The following CDH12 variants were observed in gnomAD, a reference collection of about 807,000 sequenced individuals.
The protein encoded by CDH12 is cadherin-12.
In CDH12, 41 loss-of-function variants were observed where a neutral mutation model predicts 74.1. The observed-to-expected ratio is 0.55, with a 90% CI of 0.43 to 0.72. CDH12 has a LOEUF of 0.72. CDH12 is among the 30% of genes least tolerant of loss of function. CDH12 has a pLI of 0.00. For missense variants in CDH12, 945 were observed against 977.2 expected (o/e 0.97, Z 0.44); for synonymous variants, 399 against 355.0 (o/e 1.12, Z -1.39).
intron 3 of CDH12, among the ~76,000 whole-genome samples, chr5:22,284,757 G>C (rs1369145751): frequency 6.6e-6 from 1 of 152,002 alleles, no homozygotes; most frequent in Non-Finnish European, 1.5e-5. Context: ...ATTATTGAGA[G>C]ACAATTTAGA....
intron 3 of CDH12, among the ~76,000 whole-genome samples, chr5:22,222,314 T>C (rs1752044975): frequency 6.6e-6 from 1 of 151,974 alleles, no homozygotes; most frequent in African/African-American, 2.4e-5. Context: ...AGTAAAGTTC[T>C]CTCCAAGGAG....
At chr5:21,809,369 G>A (rs928991923) in intron 9 of CDH12, among the ~76,000 whole-genome samples, 19 of 152,122 alleles carry the variant, frequency 1.2e-4, no homozygotes, top group African/African-American at 4.3e-4. Flanking sequence ...AGAGGGTTTC[G>A]TCACATACTA....
intron 1 of CDH12, among the ~76,000 whole-genome samples, chr5:22,837,950 C>A (rs755046427): frequency 6.6e-6 from 1 of 152,152 alleles, no homozygotes; most frequent in Non-Finnish European, 1.5e-5. Context: ...GCATACTTCA[C>A]AGATTCCTCT....
At chr5:22,753,466 G>C (rs1437487684) in intron 1 of CDH12, among the ~76,000 whole-genome samples, 1 of 148,764 alleles carries the variant, frequency 6.7e-6, no homozygotes, top group Non-Finnish European at 1.5e-5. Flanking sequence ...GATGACATAG[G>C]GCCTTGTGGG....
intron 2 of CDH12, among the ~76,000 whole-genome samples, chr5:22,493,597 T>C (rs1270809653): frequency 6.6e-6 from 1 of 152,156 alleles, no homozygotes; most frequent in Non-Finnish European, 1.5e-5. Flanking sequence ...TTGTCCTTAC[T>C]TTTTCCTTTA....
chr5:22,467,610 A>T (rs544351563), intron 2 of CDH12, among the ~76,000 whole-genome samples: 65 of 152,324 alleles, frequency 4.3e-4, no homozygotes, highest in Admixed American at 1.4e-3. Context: ...TACACCATTC[A>T]TCAGTGCTTA....
chr5:22,426,195 A>AAAAAG (rs1561395174), intron 2 of CDH12, among the ~76,000 whole-genome samples: 1 of 7,808 alleles, frequency 1.3e-4, no homozygotes, highest in African/African-American at 3.9e-4. Context: ...CAAAAAAAAG[A>AAAAAG]AAAAAAAAAA....
chr5:21,860,358 A>T (rs1750980910), intron 6 of CDH12, among the ~76,000 whole-genome samples: 1 of 152,032 alleles, frequency 6.6e-6, no homozygotes, highest in South Asian at 2.1e-4. Context: ...GTTAGGTGTA[A>T]TTATGACCTT....
chr5:22,076,489 C>A (rs897252538), intron 5 of CDH12, among the ~76,000 whole-genome samples: 1 of 152,032 alleles, frequency 6.6e-6, no homozygotes, highest in African/African-American at 2.4e-5. Flanking sequence ...TTGTCAGGAA[C>A]CTCAATATGA....
intron 6 of CDH12, among the ~76,000 whole-genome samples, chr5:21,967,627 C>A (rs1397425622): frequency 6.6e-6 from 1 of 152,176 alleles, no homozygotes; most frequent in Non-Finnish European, 1.5e-5. Flanking sequence ...AAGTAACTAT[C>A]AGTACAGCAT....
intron 1 of CDH12, among the ~76,000 whole-genome samples, chr5:22,639,970 A>G (rs997512621): frequency 5.9e-5 from 9 of 152,190 alleles, no homozygotes; most frequent in Admixed American, 5.9e-4. Context: ...CTCTTTATTC[A>G]TTCTTTTCAG....
chr5:22,504,764 T>C (rs1006989666), intron 2 of CDH12, among the ~76,000 whole-genome samples: 2 of 152,062 alleles, frequency 1.3e-5, no homozygotes, highest in African/African-American at 4.8e-5. Context: ...TTGTGCCATA[T>C]CAATATTCGT....
intron 1 of CDH12, among the ~76,000 whole-genome samples, chr5:22,722,576 T>C (rs1372680254): frequency 6.6e-6 from 1 of 152,164 alleles, no homozygotes; most frequent in East Asian, 1.9e-4. Flanking sequence ...ACAATTGATT[T>C]AAATACTCAC....
chr5:22,679,207 T>C (rs1347213639), intron 1 of CDH12, among the ~76,000 whole-genome samples: 10 of 152,142 alleles, frequency 6.6e-5, no homozygotes, highest in Non-Finnish European at 1.5e-4. Flanking sequence ...CAGGTATAAT[T>C]TTAGGAAATT....
Position 22,146,757 on chromosome 5 carries a change from A to T in CDH12, c.-187+65741T>A, listed in dbSNP as rs112668949. On this transcript the variant is annotated intron_variant, in intron 4 of 14. Transcript: ENST00000382254. ...CTTAATATAGATGAAGAAAAAATAAATCATATATAAACTCGGGAAGCTTGG... is the reference window on the plus strand; with the variant it reads ...CTTAATATAGATGAAGAAAAAATAATTCATATATAAACTCGGGAAGCTTGG... Among the ~76,000 whole-genome samples, 1,194 of 152,298 alleles carry T rather than the reference A, an allele frequency of 7.8e-3. 13 individuals are homozygous for T. The highest frequency in any genetic ancestry group is 0.027 in the African/African-American group (1,130 of 41,580).
intron 6 of CDH12, among the ~76,000 whole-genome samples, chr5:21,896,393 A>G (rs1753124331): frequency 6.6e-6 from 1 of 152,224 alleles, no homozygotes; most frequent in South Asian, 2.1e-4. Context: ...TCAAAAATCT[A>G]AAAGATGGCA....
At chr5:21,950,517 C>G (rs1209923483) in intron 6 of CDH12, among the ~76,000 whole-genome samples, 1 of 151,576 alleles carries the variant, frequency 6.6e-6, no homozygotes, top group African/African-American at 2.4e-5. Context: ...TAGAAACCAA[C>G]TAAAAAACAT....
intron 4 of CDH12, among the ~76,000 whole-genome samples, chr5:22,164,370 C>T (rs192631831): frequency 6.6e-6 from 1 of 152,184 alleles, no homozygotes; most frequent in South Asian, 2.1e-4. Flanking sequence ...TGTGCAGGAA[C>T]AATGGCAAGA....
chr5:21,976,269 A>G (rs542687952), intron 5 of CDH12, among the ~76,000 whole-genome samples: 1 of 152,268 alleles, frequency 6.6e-6, no homozygotes, highest in East Asian at 1.9e-4. Flanking sequence ...TGTATGGTAC[A>G]TTATGTTATA....
Sources: allele counts gnomAD v4.1 joint callset (sites outside exome capture counted in the v4.1 genomes callset), GRCh38; gene constraint gnomAD v4.1.1; transcripts MANE v1.5; gene names NCBI Gene and HGNC (gene_info 2026-07-23, HGNC 2026-07-21).